Variants in SPPL3 observed in about 807,000 individuals in gnomAD.
SPPL3 encodes the protein signal peptide peptidase-like 3.
In SPPL3, 5 loss-of-function variants were observed where a neutral mutation model predicts 42.4. The ratio of observed to expected loss-of-function variants is 0.12; its 90% CI spans 0.06 to 0.25. SPPL3 has a LOEUF of 0.25. SPPL3 is among the 10% of genes least tolerant of loss of function. SPPL3 has a pLI of 1.00. For synonymous variants in SPPL3, 195 were observed against 181.8 expected (o/e 1.07, Z -0.58); for missense variants, 235 against 489.0 (o/e 0.48, Z 4.90).
chr12:120,810,969 C>A (rs1187969907), intron 1 of SPPL3, 83 bp from the exon 2 acceptor site: 1 of 871,796 alleles, frequency 1.1e-6, no homozygotes. Context: ...TCTATAAACC[C>A]CACTGAGCTT....
rs1347768294 is a variant in SPPL3, at chr12:120,766,098, G to A, written c.1083+165C>T. On this transcript the variant is annotated intron_variant, in intron 10 of 10. Coordinates refer to ENST00000353487, the MANE Select transcript of SPPL3 (RefSeq NM_139015.5). ...TTGCTAACGCCAGGGTAGCGCGCGCGCGCACACACACACACACACACACAC... is the reference window on the plus strand; with the variant it reads ...TTGCTAACGCCAGGGTAGCGCGCGCACGCACACACACACACACACACACAC... 1.1e-4 allele frequency among the ~76,000 whole-genome samples: 16 copies of A among 144,148 alleles called. No homozygotes were observed. In the East Asian group the frequency reaches 1.5e-3, roughly 13 times the overall value. The allele number at this position is 144,148 out of a possible 152,430, so 94.6% of individuals were successfully genotyped here. A position where few individuals can be genotyped will look rare whatever the true frequency, so the allele number is the denominator to read the frequency against.
intron 1 of SPPL3, among the ~76,000 whole-genome samples, chr12:120,814,003 C>T (rs1870780854): frequency 6.6e-6 from 1 of 151,988 alleles, no homozygotes; most frequent in South Asian, 2.1e-4. Context: ...AAAAGTTAAA[C>T]ATAAGTTTAT....
chr12:120,899,586 G>T (rs1873910810), intron 1 of SPPL3, among the ~76,000 whole-genome samples: 1 of 152,076 alleles, frequency 6.6e-6, no homozygotes, highest in African/African-American at 2.4e-5. Context: ...AGACAGAACT[G>T]TAAGTATTAA....
At chr12:120,875,516 C>T (rs1042778992) in intron 1 of SPPL3, among the ~76,000 whole-genome samples, 9 of 151,918 alleles carry the variant, frequency 5.9e-5, no homozygotes, top group Admixed American at 2.6e-4. Context: ...GTAATCCCAA[C>T]TACTCCAGAG....
chr12:120,883,009 AACTT>A (rs1873340847), intron 1 of SPPL3, among the ~76,000 whole-genome samples: 2 of 152,138 alleles, frequency 1.3e-5, no homozygotes, highest in Admixed American at 1.3e-4. Context: ...AGATATATAA[AACTT>A]AATTCTAGAG....
intron 1 of SPPL3, among the ~76,000 whole-genome samples, chr12:120,865,292 C>A (rs1331154032): frequency 6.6e-6 from 1 of 152,208 alleles, no homozygotes; most frequent in Non-Finnish European, 1.5e-5. Flanking sequence ...GCGAACTGTA[C>A]ACTGCTCTAC....
chr12:120,862,130 T>C (rs1477699238), intron 1 of SPPL3, among the ~76,000 whole-genome samples: 2 of 152,226 alleles, frequency 1.3e-5, no homozygotes, highest in African/African-American at 4.8e-5. Context: ...TAGATTATAC[T>C]TCCTGATATT....
chr12:120,782,820 A>AAAGGAG, intron 5 of SPPL3, 53 bp from the exon 6 acceptor site: 6 of 1,327,994 alleles, frequency 4.5e-6, no homozygotes, highest in Non-Finnish European at 5.3e-6. Context: ...TTCAGTAACC[A>AAAGGAG]AATTCTCCTT....
intron 2 of SPPL3, among the ~76,000 whole-genome samples, chr12:120,795,458 T>C (rs1049477595): frequency 2.0e-5 from 3 of 152,204 alleles, no homozygotes; most frequent in African/African-American, 7.2e-5. Flanking sequence ...GTCAAAAACA[T>C]CTTTACTTTG....
At position 120,837,863 on chromosome 12, in the gene SPPL3, T is replaced by C. The variant is rs539174482; in HGVS notation, c.24-26977A>G. ...ATGACTAGTGCCTAAATTCTGACAA[T>C]ATCAAAATGGTATAGTCTCTACTAT... On this transcript the variant is annotated intron_variant, in intron 1 of 10. Coordinates refer to ENST00000353487, the MANE Select transcript of SPPL3 (RefSeq NM_139015.5). Among the ~76,000 whole-genome samples the C allele has an allele frequency of 2.6e-5, 4 of 152,068 alleles. No homozygotes were observed. In the South Asian group the frequency reaches 6.2e-4, roughly 24 times the overall value.
intron 1 of SPPL3, among the ~76,000 whole-genome samples, chr12:120,818,739 A>G (rs940898170): frequency 2.0e-5 from 3 of 152,234 alleles, no homozygotes; most frequent in Non-Finnish European, 4.4e-5. Flanking sequence ...TTACACTCTT[A>G]AAATTGAGGA....
chr12:120,850,492 TAAAAA>T (rs11413210), intron 1 of SPPL3, among the ~76,000 whole-genome samples: 1 of 119,392 alleles, frequency 8.4e-6, no homozygotes, highest in Admixed American at 8.9e-5. Flanking sequence ...GACCAGCCTT[TAAAAA>T]AAAAAAAAAA....
chr12:120,809,771 G>A (rs1443062825), intron 2 of SPPL3, among the ~76,000 whole-genome samples: 1 of 152,028 alleles, frequency 6.6e-6, no homozygotes, highest in Non-Finnish European at 1.5e-5. Flanking sequence ...GAGAATACCT[G>A]GTAATGCTAC....
chr12:120,842,146 A>G (rs1871852450), intron 1 of SPPL3, among the ~76,000 whole-genome samples: 2 of 152,326 alleles, frequency 1.3e-5, no homozygotes, highest in South Asian at 4.1e-4. Context: ...TTGTGATGGC[A>G]AGAAGTGCTC....
chr12:120,882,301 G>C (rs578173074), intron 1 of SPPL3, among the ~76,000 whole-genome samples: 3 of 152,156 alleles, frequency 2.0e-5, no homozygotes, highest in Non-Finnish European at 4.4e-5. Flanking sequence ...ACTGTATACA[G>C]TGTCAATCTG....
intron 2 of SPPL3, among the ~76,000 whole-genome samples, chr12:120,806,379 G>A (rs1237159684): frequency 6.6e-6 from 1 of 151,780 alleles, no homozygotes; most frequent in Non-Finnish European, 1.5e-5. Flanking sequence ...TTTGACAACG[G>A]TGCCAAGGTA....
At chr12:120,832,462 G>C (rs148978677) in intron 1 of SPPL3, among the ~76,000 whole-genome samples, 4 of 151,996 alleles carry the variant, frequency 2.6e-5, no homozygotes, top group Non-Finnish European at 5.9e-5. Context: ...ACCTGAGGTC[G>C]GGAGTTCAAG....
chr12:120,893,735 C>T (rs1223673083), intron 1 of SPPL3, among the ~76,000 whole-genome samples: 1 of 152,184 alleles, frequency 6.6e-6, no homozygotes, highest in Non-Finnish European at 1.5e-5. Context: ...ATCGCCACTG[C>T]ACTTTCCTAA....
At chr12:120,888,170 C>T (rs973355309) in intron 1 of SPPL3, among the ~76,000 whole-genome samples, 3 of 152,112 alleles carry the variant, frequency 2.0e-5, no homozygotes, top group African/African-American at 4.8e-5. Flanking sequence ...CTGCCTCTTG[C>T]GTTCAAGTGA....
Sources: allele counts gnomAD v4.1 joint callset (sites outside exome capture counted in the v4.1 genomes callset), GRCh38; gene constraint gnomAD v4.1.1; transcripts MANE v1.5; gene names NCBI Gene and HGNC (gene_info 2026-07-23, HGNC 2026-07-21).